The following PLXNA4 variants were observed in gnomAD, a reference collection of about 807,000 sequenced individuals.
PLXNA4 encodes plexin A4.
PLXNA4 carries 44 observed loss-of-function variants against 191.8 expected under a neutral mutation model. The ratio of observed to expected loss-of-function variants is 0.23; its 90% CI spans 0.18 to 0.29. The LOEUF (loss-of-function observed/expected upper bound fraction) is 0.29, where lower values mean the gene tolerates loss of function less well. PLXNA4 is among the 10% of genes least tolerant of loss of function. PLXNA4 has a pLI of 1.00. For synonymous variants in PLXNA4, 1,082 were observed against 1,009.5 expected, an observed-to-expected ratio of 1.07 and a Z score of -1.36; for missense variants, 1,800 against 2,488.8, an observed-to-expected ratio of 0.72 and a Z score of 5.89.
intron 4 of PLXNA4, among the ~76,000 whole-genome samples, chr7:132,292,922 AG>A (rs1297517972): frequency 1.3e-5 from 2 of 152,194 alleles, no homozygotes; most frequent in African/African-American, 2.4e-5. Flanking sequence ...CCACAGGAAA[AG>A]CCAGAGAGTT....
chr7:132,648,600 C>T (rs1161253844), exon 1 of PLXNA4: 2 of 152,206 alleles, frequency 1.3e-5, no homozygotes, highest in African/African-American at 4.8e-5. Context: ...AAATACTGGT[C>T]TGATTGGGCT....
At chr7:132,510,833 C>T (rs1226141510) in intron 1 of PLXNA4, among the ~76,000 whole-genome samples, 1 of 152,070 alleles carries the variant, frequency 6.6e-6, no homozygotes, top group Non-Finnish European at 1.5e-5. Context: ...AGGAAGAGTA[C>T]GTCTGGAGAA....
chr7:132,284,126 T>C (rs1046313025), intron 4 of PLXNA4, among the ~76,000 whole-genome samples: 3 of 152,218 alleles, frequency 2.0e-5, no homozygotes, highest in African/African-American at 7.2e-5. Flanking sequence ...TGAGCTATGA[T>C]GGCACCAGTG....
intron 3 of PLXNA4, among the ~76,000 whole-genome samples, chr7:132,395,412 C>G (rs1050213824): frequency 6.6e-6 from 1 of 152,220 alleles, no homozygotes; most frequent in Non-Finnish European, 1.5e-5. Context: ...TCAATGGAAA[C>G]CTTGGGAGGG....
At chr7:132,449,535 G>C (rs920911209) in intron 3 of PLXNA4, among the ~76,000 whole-genome samples, 1 of 152,192 alleles carries the variant, frequency 6.6e-6, no homozygotes, top group Non-Finnish European at 1.5e-5. Context: ...ACAGATCCTG[G>C]TCACATGGCA....
At chr7:132,642,237 A>C (rs1803758427) in intron 2 of PLXNA4, among the ~76,000 whole-genome samples, 1 of 152,166 alleles carries the variant, frequency 6.6e-6, no homozygotes, top group African/African-American at 2.4e-5. Context: ...ATGATGCTGG[A>C]TATGTCGAAA....
At chr7:132,444,996 A>T (rs752663241) in intron 3 of PLXNA4, among the ~76,000 whole-genome samples, 1 of 151,386 alleles carries the variant, frequency 6.6e-6, no homozygotes, top group South Asian at 2.1e-4. Flanking sequence ...CTTAAAAAAT[A>T]CAAAAAAATT....
chr7:132,132,289 G>A (rs1464031423), intron 31 of PLXNA4, among the ~76,000 whole-genome samples: 1 of 152,206 alleles, frequency 6.6e-6, no homozygotes, highest in Admixed American at 6.5e-5. Context: ...AAAGCACCAT[G>A]GCACTGGCCA....
At chr7:132,244,715 C>A (rs1798990344) in intron 4 of PLXNA4, among the ~76,000 whole-genome samples, 1 of 152,214 alleles carries the variant, frequency 6.6e-6, no homozygotes, top group Non-Finnish European at 1.5e-5. Context: ...ATGGCCAAGG[C>A]CTCCCAGACT....
chr7:132,397,541 C>A (rs186079366), intron 3 of PLXNA4, among the ~76,000 whole-genome samples: 2 of 152,306 alleles, frequency 1.3e-5, no homozygotes, highest in East Asian at 3.9e-4. Flanking sequence ...AAGAGGTGAG[C>A]AGATATCAGC....
At chr7:132,335,967 G>A (rs1358024377) in intron 3 of PLXNA4, among the ~76,000 whole-genome samples, 2 of 152,198 alleles carry the variant, frequency 1.3e-5, no homozygotes, top group African/African-American at 4.8e-5. Context: ...TGTCTGCTGA[G>A]AATGAAGGAA....
intron 16 of PLXNA4, 36 bp from the exon 17 acceptor site, chr7:132,182,226 A>T (rs1461809825): frequency 6.2e-7 from 1 of 1,609,934 alleles, no homozygotes; most frequent in South Asian, 1.1e-5. Context: ...TGTAAATGAT[A>T]AGTTCAGGAA....
intron 2 of PLXNA4, among the ~76,000 whole-genome samples, chr7:132,505,612 A>G (rs961795236): frequency 6.6e-6 from 1 of 152,152 alleles, no homozygotes; most frequent in African/African-American, 2.4e-5. Context: ...ATTCTCTTCA[A>G]TTGGTGGCTC....
chr7:132,366,579 A>C (rs531909626), intron 3 of PLXNA4, among the ~76,000 whole-genome samples: 2 of 152,278 alleles, frequency 1.3e-5, no homozygotes, highest in South Asian at 4.2e-4. Flanking sequence ...TCTCTTGGCT[A>C]CCTCAAAGTA....
intron 27 of PLXNA4, 150 bp from the exon 28 acceptor site, chr7:132,146,850 C>T: frequency 6.9e-7 from 1 of 1,441,964 alleles, no homozygotes; most frequent in Non-Finnish European, 9.2e-7. Context: ...TGGTTTGGTG[C>T]ATTCCCTGAA....
At chr7:132,520,183 G>A (rs574235989) in intron 1 of PLXNA4, among the ~76,000 whole-genome samples, 2 of 152,334 alleles carry the variant, frequency 1.3e-5, no homozygotes, top group South Asian at 4.1e-4. Flanking sequence ...AATCTAGATT[G>A]TGGAGAGCCT....
intron 2 of PLXNA4, among the ~76,000 whole-genome samples, chr7:132,584,401 G>A (rs998372456): frequency 5.7e-4 from 87 of 152,298 alleles, no homozygotes; most frequent in African/African-American, 2.0e-3. Context: ...AGCTTGAAGT[G>A]TACATCTGGT....
At chr7:132,387,547 C>T (rs1010217425) in intron 3 of PLXNA4, among the ~76,000 whole-genome samples, 1 of 152,190 alleles carries the variant, frequency 6.6e-6, no homozygotes, top group Admixed American at 6.5e-5. Flanking sequence ...GCCCATCTGT[C>T]GCCAGGTAAC....
At chr7:132,567,348 C>G (rs1801783034) in intron 1 of PLXNA4, among the ~76,000 whole-genome samples, 1 of 131,672 alleles carries the variant, frequency 7.6e-6, no homozygotes, top group Non-Finnish European at 1.6e-5. Flanking sequence ...GAGTTTTACA[C>G]AGAGAGAAAT....
Sources: allele counts gnomAD v4.1 joint callset (sites outside exome capture counted in the v4.1 genomes callset), GRCh38; gene constraint gnomAD v4.1.1; transcripts MANE v1.5; gene names NCBI Gene and HGNC (gene_info 2026-07-23, HGNC 2026-07-21).